The following TLL1 variants were observed in gnomAD, a reference collection of about 807,000 sequenced individuals.
TLL1 encodes tolloid-like protein 1.
TLL1 carries 49 observed loss-of-function variants against 128.2 expected under a neutral mutation model. The ratio of observed to expected loss-of-function variants is 0.38; its 90% CI spans 0.30 to 0.48. TLL1 has a LOEUF of 0.48. TLL1 is among the 20% of genes least tolerant of loss of function. TLL1 has a pLI of 0.96. For missense variants in TLL1, 1,123 were observed against 1,242.0 expected (o/e 0.90, Z 1.44); for synonymous variants, 454 against 418.8 (o/e 1.08, Z -1.03).
At chr4:165,973,007 C>T (rs1265666477) in intron 1 of TLL1, among the ~76,000 whole-genome samples, 1 of 152,168 alleles carries the variant, frequency 6.6e-6, no homozygotes, top group African/African-American at 2.4e-5. Flanking sequence ...ATCTCCCTGG[C>T]ATTTCTCTAT....
chr4:166,082,709 G>A (rs960653595), intron 18 of TLL1, among the ~76,000 whole-genome samples: 11 of 151,814 alleles, frequency 7.2e-5, no homozygotes, highest in Non-Finnish European at 1.5e-4. Flanking sequence ...GTGGAGTCTC[G>A]CTCTGTCACC....
intron 1 of TLL1, among the ~76,000 whole-genome samples, chr4:165,874,315 G>C (rs567836753): frequency 1.3e-5 from 2 of 152,248 alleles, no homozygotes; most frequent in African/African-American, 2.4e-5. Context: ...CCCAGTTTGG[G>C]AATAAGGTCC....
intron 2 of TLL1, among the ~76,000 whole-genome samples, chr4:165,991,775 C>T (rs1005994547): frequency 1.3e-5 from 2 of 151,848 alleles, no homozygotes; most frequent in African/African-American, 2.4e-5. Context: ...AAGTTGTCGT[C>T]GTGGAATTAT....
At chr4:165,919,723 T>C (rs113168134) in intron 1 of TLL1, 18 of 434,530 alleles carry the variant, frequency 4.1e-5, no homozygotes, top group African/African-American at 1.0e-4. Flanking sequence ...GGCGGGATAA[T>C]GTTGTAGTCT....
At chr4:166,080,209 T>G (rs7685716) in intron 18 of TLL1, among the ~76,000 whole-genome samples, 1 of 152,062 alleles carries the variant, frequency 6.6e-6, no homozygotes, top group African/African-American at 2.4e-5. Flanking sequence ...GGTATTTTCT[T>G]TGTGTATTCA....
At chr4:165,878,920 C>CTTTTTTT (rs140447889) in intron 1 of TLL1, among the ~76,000 whole-genome samples, 6 of 60,510 alleles carry the variant, frequency 9.9e-5, no homozygotes, top group Admixed American at 3.2e-4. Context: ...TGATGGCTTC[C>CTTTTTTT]TTTTTTTTTT....
intron 20 of TLL1, among the ~76,000 whole-genome samples, chr4:166,099,761 A>T (rs1407985776): frequency 6.6e-6 from 1 of 152,140 alleles, no homozygotes; most frequent in Non-Finnish European, 1.5e-5. Context: ...ATCAGTAGGT[A>T]TAATTTCTTG....
chr4:165,948,032 G>A (rs1733131584), intron 1 of TLL1, among the ~76,000 whole-genome samples: 1 of 152,196 alleles, frequency 6.6e-6, no homozygotes, highest in Non-Finnish European at 1.5e-5. Context: ...AGAGGGCAGA[G>A]TAGCTTGCCC....
chr4:166,003,479 G>C lies in TLL1; in HGVS notation c.721G>C (p.Glu241Gln). Residue 241 changes from glutamate (E) to glutamine (Q), a missense_variant, in exon 6 of 21, where the codon GAA (glutamate) becomes CAA (glutamine). Glu to Gln is a conservative substitution (Grantham distance 29). Coordinates refer to ENST00000061240, the MANE Select transcript of TLL1 (RefSeq NM_012464.5). Reference protein sequence around the residue: ...NCDKFGIVVHELGHVIGFWHE... With the variant: ...NCDKFGIVVHQLGHVIGFWHE... Reference sequence around the variant, plus strand: ...TGATAAATTTGGGATTGTTGTTCATGAATTGGGTCATGTGATAGGCTTTTG... The same window carrying C: ...TGATAAATTTGGGATTGTTGTTCATCAATTGGGTCATGTGATAGGCTTTTG... 6.2e-7 allele frequency: 1 copy of C among 1,614,020 alleles called. No individual in the cohort carries two copies. Among genetic ancestry groups the C allele is most frequent in the Non-Finnish European group, 8.5e-7 (1 of 1,179,962 alleles).
chr4:166,064,666 CATT>C (rs1740490253), intron 15 of TLL1, among the ~76,000 whole-genome samples: 1 of 152,062 alleles, frequency 6.6e-6, no homozygotes, highest in Non-Finnish European at 1.5e-5. Context: ...TTATTTTATT[CATT>C]ATATTGCTAT....
intron 1 of TLL1, among the ~76,000 whole-genome samples, chr4:165,921,515 A>C (rs967640661): frequency 1.3e-5 from 2 of 152,146 alleles, no homozygotes; most frequent in Non-Finnish European, 2.9e-5. Flanking sequence ...GTTTCTTCCA[A>C]ATTGAAACGT....
At chr4:166,089,841 T>G (rs1741682991) in intron 18 of TLL1, among the ~76,000 whole-genome samples, 1 of 152,094 alleles carries the variant, frequency 6.6e-6, no homozygotes, top group African/African-American at 2.4e-5. Context: ...TTTTTCCCCC[T>G]TTTCTTTCTT....
At chr4:165,977,953 A>C (rs12504197) in intron 1 of TLL1, among the ~76,000 whole-genome samples, 95,977 of 151,968 alleles carry the variant, frequency 0.63, 31,082 homozygotes, top group Admixed American at 0.73. Flanking sequence ...TTGTATTTTT[A>C]GTGTTACTAT....
intron 1 of TLL1, among the ~76,000 whole-genome samples, chr4:165,898,246 G>A (rs1039171256): frequency 2.0e-5 from 3 of 152,148 alleles, no homozygotes; most frequent in Non-Finnish European, 2.9e-5. Flanking sequence ...GATTGCCCTG[G>A]CCAGAATTTC....
At chr4:165,969,384 G>T (rs1002159737) in intron 1 of TLL1, among the ~76,000 whole-genome samples, 1 of 152,054 alleles carries the variant, frequency 6.6e-6, no homozygotes, top group African/African-American at 2.4e-5. Flanking sequence ...CATTTAGAAA[G>T]AGTTTACAAC....
intron 1 of TLL1, among the ~76,000 whole-genome samples, chr4:165,948,701 C>A (rs1734371589): frequency 6.6e-6 from 1 of 152,122 alleles, no homozygotes; most frequent in Non-Finnish European, 1.5e-5. Context: ...ATGGATTAAT[C>A]TATTCATAAG....
chr4:165,886,624 C>G (rs1047745267), intron 1 of TLL1, among the ~76,000 whole-genome samples: 1 of 152,106 alleles, frequency 6.6e-6, no homozygotes, highest in Non-Finnish European at 1.5e-5. Context: ...TATAAAATGG[C>G]ATAGTATTTG....
intron 1 of TLL1, among the ~76,000 whole-genome samples, chr4:165,965,985 C>A (rs933116142): frequency 1.3e-5 from 2 of 151,972 alleles, no homozygotes; most frequent in African/African-American, 2.4e-5. Flanking sequence ...TCAAGACCAG[C>A]GTGGCCAAGA....
chr4:165,946,341 TC>T (rs1183880830), intron 1 of TLL1, among the ~76,000 whole-genome samples: 1 of 150,684 alleles, frequency 6.6e-6, no homozygotes, highest in East Asian at 1.9e-4. Flanking sequence ...AATTTGTCAT[TC>T]CTTTTTTTTT....
Sources: allele counts gnomAD v4.1 joint callset (sites outside exome capture counted in the v4.1 genomes callset), GRCh38; gene constraint gnomAD v4.1.1; transcripts MANE v1.5; gene names NCBI Gene and HGNC (gene_info 2026-07-23, HGNC 2026-07-21).